The following C16orf74 variants were observed in gnomAD, a reference collection of about 807,000 sequenced individuals.
The protein encoded by C16orf74 is calcimembrin.
In C16orf74, 10 loss-of-function variants were observed where a neutral mutation model predicts 6.5. That is an observed-to-expected ratio of 1.54 (90% CI 0.95 to 2.61). The LOEUF is 2.61. C16orf74 is among the 30% of genes most tolerant of loss of function. The pLI, the probability that C16orf74 is intolerant of heterozygous loss-of-function variation, is 0.00. For missense variants in C16orf74, 141 were observed against 105.9 expected, an observed-to-expected ratio of 1.33 and a Z score of -1.45; for synonymous variants, 60 against 42.5, an observed-to-expected ratio of 1.41 and a Z score of -1.60.
At chr16:85,744,871 G>C (rs527340176) in intron 1 of C16orf74, among the ~76,000 whole-genome samples, 1 of 147,776 alleles carries the variant, frequency 6.8e-6, no homozygotes, top group South Asian at 2.1e-4. Flanking sequence ...GCCGGGTGCA[G>C]TGGTTTACGC....
intron 2 of C16orf74, among the ~76,000 whole-genome samples, chr16:85,727,380 C>A (rs938969473): frequency 6.6e-6 from 1 of 152,314 alleles, no homozygotes; most frequent in Admixed American, 6.5e-5. Flanking sequence ...AGCCTGGGGT[C>A]CCCACAAAAA....
intron 2 of C16orf74, among the ~76,000 whole-genome samples, chr16:85,714,293 G>A (rs1018757834): frequency 5.3e-5 from 8 of 151,980 alleles, no homozygotes; most frequent in East Asian, 3.9e-4. Context: ...ACCCAGTGAC[G>A]AGCATCCGCC....
At chr16:85,720,527 G>T (rs1303474004) in intron 2 of C16orf74, among the ~76,000 whole-genome samples, 1 of 152,164 alleles carries the variant, frequency 6.6e-6, no homozygotes, top group African/African-American at 2.4e-5. Flanking sequence ...CAGCACTTTG[G>T]AAGGACAAGG....
chr16:85,743,677 G>A (rs146061069), intron 1 of C16orf74: 38 of 152,206 alleles, frequency 2.5e-4, no homozygotes, highest in African/African-American at 8.9e-4. Flanking sequence ...CCAGCACTTT[G>A]GGAGGCTGAG....
chr16:85,736,322 T>C (rs533242130), intron 1 of C16orf74, among the ~76,000 whole-genome samples: 25 of 152,136 alleles, frequency 1.6e-4, no homozygotes, highest in African/African-American at 4.8e-4. Flanking sequence ...TGTTGGTGGA[T>C]TGGTAGCATC....
At chr16:85,741,424 A>C (rs2054306543) in intron 1 of C16orf74, among the ~76,000 whole-genome samples, 1 of 152,078 alleles carries the variant, frequency 6.6e-6, no homozygotes, top group Admixed American at 6.6e-5. Context: ...GAAGAAGCAA[A>C]CCAGAGGATG....
intron 2 of C16orf74, chr16:85,710,550 C>G (rs2053959497): frequency 2.1e-6 from 1 of 476,878 alleles, no homozygotes. Flanking sequence ...AAATGCTGAT[C>G]ATAGGCTAGT....
Position 85,707,689 on chromosome 16 carries a change from G to A in C16orf74, c.*319C>T. The A allele has an allele frequency of 2.7e-6, 1 of 369,724 alleles. No homozygotes were observed. Among genetic ancestry groups the A allele is most frequent in the Non-Finnish European group, 4.9e-6 (1 of 204,618 alleles). The allele number at this position is 369,724 out of a possible 1,614,324, so 22.9% of individuals were successfully genotyped here. ...TTGCACAGCCCTGGGGGCTGGGAGG[G>A]TGTGTTTGTCCAGAAGAGAGCCTCT... On this transcript the variant is annotated 3_prime_UTR_variant, in exon 4 of 4. Coordinates refer to ENST00000284245, the MANE Select transcript of C16orf74 (RefSeq NM_206967.3).
chr16:85,734,958 C>A (rs1050731519), intron 2 of C16orf74, among the ~76,000 whole-genome samples: 3 of 152,212 alleles, frequency 2.0e-5, no homozygotes, highest in Admixed American at 6.5e-5. Flanking sequence ...ACTGAGGCCC[C>A]AAGGCACTGC....
At chr16:85,710,575 A>G (rs1466676779) in intron 2 of C16orf74, 13 of 426,914 alleles carry the variant, frequency 3.0e-5, no homozygotes, top group African/African-American at 2.7e-4. Context: ...CTCTGGGTCC[A>G]GTTGTCAGCC....
intron 1 of C16orf74, among the ~76,000 whole-genome samples, chr16:85,738,742 C>G (rs570616300): frequency 4.6e-5 from 7 of 151,858 alleles, no homozygotes; most frequent in African/African-American, 1.4e-4. Context: ...GGCTGAGGGA[C>G]GGAGGGCCCA....
rs184157441 is a variant in C16orf74 at position 85,735,170 on chromosome 16, G to A, written c.28+20C>T. The stretch of plus-strand genomic sequence containing the variant: ...CCCCTCTGCCATGAGAGCTGGTGGG[G>A]GCAGAGCTTCAGGCCTTACCTTTCA... On this transcript the variant is annotated intron_variant, in intron 2 of 3. Coordinates refer to ENST00000284245, the MANE Select transcript of C16orf74 (RefSeq NM_206967.3). 1.9e-6 allele frequency: 3 copies of A among 1,600,020 alleles called. No individual in the cohort carries two copies. The highest frequency in any genetic ancestry group is 1.1e-5 in the South Asian group (1 of 89,152).
chr16:85,732,665 C>CAAAA (rs66539936), intron 2 of C16orf74, among the ~76,000 whole-genome samples: 11,948 of 43,926 alleles, frequency 0.27, 2,726 homozygotes, highest in East Asian at 0.65. Context: ...GACTCTGTCT[C>CAAAA]AAAAAAAAAA....
At chr16:85,735,154 C>A in intron 2 of C16orf74, 36 bp downstream of exon 2, 1 of 1,589,084 alleles carries the variant, frequency 6.3e-7, no homozygotes, top group East Asian at 2.3e-5. Context: ...CCCCCTCTGC[C>A]ATGAGAGCTG....
chr16:85,722,276 T>A (rs919859648), intron 2 of C16orf74, among the ~76,000 whole-genome samples: 1 of 152,158 alleles, frequency 6.6e-6, no homozygotes, highest in Admixed American at 6.5e-5. Flanking sequence ...GGCCATATAA[T>A]TAGCACCATT....
chr16:85,737,681 A>G (rs1011125710), intron 1 of C16orf74, among the ~76,000 whole-genome samples: 8 of 152,146 alleles, frequency 5.3e-5, no homozygotes, highest in Non-Finnish European at 1.2e-4. Context: ...AATACAAAAA[A>G]TTAGCTGGGT....
Position 85,707,974 on chromosome 16 carries a change from G to T in C16orf74, c.*34C>A. On this transcript the variant is annotated 3_prime_UTR_variant, in exon 4 of 4. Coordinates refer to ENST00000284245, the MANE Select transcript of C16orf74 (RefSeq NM_206967.3). Reference sequence around the variant, plus strand: ...GGACACCTGAAGCCGGGCCGCTGGAGCAGGAGCCAGCCAGCCAAACCCAGG... The same window carrying T: ...GGACACCTGAAGCCGGGCCGCTGGATCAGGAGCCAGCCAGCCAAACCCAGG... 1 of 1,543,594 alleles carries T rather than the reference G, an allele frequency of 6.5e-7. No individual in the cohort carries two copies. The highest frequency in any genetic ancestry group is 8.8e-7 in the Non-Finnish European group (1 of 1,140,664).
At chr16:85,735,527 C>T (rs1310907749) in intron 1 of C16orf74, among the ~76,000 whole-genome samples, 2 of 152,260 alleles carry the variant, frequency 1.3e-5, no homozygotes, top group East Asian at 3.9e-4. Context: ...ACCCAGGAGG[C>T]GGAGGCTGCA....
At chr16:85,725,016 T>G (rs2054119270) in intron 2 of C16orf74, among the ~76,000 whole-genome samples, 1 of 151,792 alleles carries the variant, frequency 6.6e-6, no homozygotes, top group South Asian at 2.1e-4. Flanking sequence ...CCTCCCTCCT[T>G]TCGGAGGATA....
Sources: allele counts gnomAD v4.1 joint callset (sites outside exome capture counted in the v4.1 genomes callset), GRCh38; gene constraint gnomAD v4.1.1; transcripts MANE v1.5; gene names NCBI Gene and HGNC (gene_info 2026-07-23, HGNC 2026-07-21).